The following SLC66A3 variants were observed in gnomAD, a reference collection of about 807,000 sequenced individuals.
SLC66A3 encodes the protein PQ loop repeat containing 3.
A neutral mutation model predicts 25.5 loss-of-function variants in SLC66A3; 23 were observed. That is an observed-to-expected ratio of 0.90 (90% CI 0.65 to 1.28). The LOEUF is 1.28. SLC66A3 is among the 50% of genes most tolerant of loss of function. The pLI is 0.00. For missense variants in SLC66A3, 246 were observed against 262.1 expected, an observed-to-expected ratio of 0.94 and a Z score of 0.42; for synonymous variants, 108 against 112.6, an observed-to-expected ratio of 0.96 and a Z score of 0.26.
At position 11,176,525 on chromosome 2, in the gene SLC66A3, C is replaced by CTTT. The variant is rs775778444; in HGVS notation, c.518-1193_518-1191dup. 8.0e-3 allele frequency among the ~76,000 whole-genome samples: 694 copies of CTTT among 87,286 alleles called. 25 individuals are homozygous for CTTT. The highest frequency in any genetic ancestry group is 0.027 in the South Asian group (54 of 1,964). 57.3% of individuals were successfully genotyped at this position (87,286 alleles called of 152,430 possible). On this transcript the variant is annotated intron_variant, in intron 6 of 6. Coordinates refer to ENST00000295083, the MANE Select transcript of SLC66A3 (RefSeq NM_152391.5). ...GCCACCGCGCCCGGCCTGGGAATAA[C>CTTT]TTTTTTTTTTTTTTTTTTTTTGAGA...
intron 4 of SLC66A3, among the ~76,000 whole-genome samples, chr2:11,165,268 C>G (rs542053677): frequency 2.3e-5 from 3 of 128,998 alleles, no homozygotes; most frequent in Non-Finnish European, 4.9e-5. Flanking sequence ...CTCAGAGGGG[C>G]GGCTGCCGGG....
chr2:11,172,368 T>G (rs529402975), intron 5 of SLC66A3, among the ~76,000 whole-genome samples: 2 of 152,346 alleles, frequency 1.3e-5, no homozygotes, highest in East Asian at 3.9e-4. Flanking sequence ...CTAATTTATC[T>G]TAAGAATTTG....
At chr2:11,177,033 T>C (rs72785462) in intron 6 of SLC66A3, among the ~76,000 whole-genome samples, 6,663 of 152,320 alleles carry the variant, frequency 0.044, 304 homozygotes, top group Non-Finnish European at 0.061. Flanking sequence ...ATATAAAATA[T>C]GCCTTGTCCT....
chr2:11,164,110 G>T, intron 3 of SLC66A3, 94 bp from the exon 4 acceptor site: 1 of 734,084 alleles, frequency 1.4e-6, no homozygotes, highest in Non-Finnish European at 2.3e-6. Context: ...TGGCTTCTGC[G>T]TGCCGCTGTC....
At position 11,177,834 on chromosome 2, in the gene SLC66A3, A is replaced by G. The variant is rs368291463; in HGVS notation, c.*6A>G. On this transcript the variant is annotated 3_prime_UTR_variant, in exon 7 of 7. Transcript: ENST00000295083. Reference sequence around the variant, plus strand: ...CCGCTATAAAGGCTGAATGATGGATACATTATTCCTTCACACAGTGGATTT... The same window carrying G: ...CCGCTATAAAGGCTGAATGATGGATGCATTATTCCTTCACACAGTGGATTT... 6.6e-6 allele frequency: 10 copies of G among 1,506,390 alleles called. No individual in the cohort carries two copies. The highest frequency in any genetic ancestry group is 1.7e-4 in the Middle Eastern group (1 of 5,882). The allele number at this position is 1,506,390 out of a possible 1,614,324, so 93.3% of individuals were successfully genotyped here. A position where few individuals can be genotyped will look rare whatever the true frequency, so the allele number is the denominator to read the frequency against.
intron 3 of SLC66A3, among the ~76,000 whole-genome samples, chr2:11,162,160 T>C (rs1662150077): frequency 6.6e-6 from 1 of 152,112 alleles, no homozygotes; most frequent in Non-Finnish European, 1.5e-5. Context: ...GACAGGGCCA[T>C]TGTGGTGGTT....
At chr2:11,157,867 G>A (rs955841987) in intron 1 of SLC66A3, among the ~76,000 whole-genome samples, 5 of 152,252 alleles carry the variant, frequency 3.3e-5, no homozygotes, top group African/African-American at 1.2e-4. Context: ...CTGCCTCCAG[G>A]GCTCTGCTGG....
chr2:11,161,617 C>G (rs564475942), intron 3 of SLC66A3, among the ~76,000 whole-genome samples: 6 of 152,208 alleles, frequency 3.9e-5, no homozygotes, highest in Non-Finnish European at 8.8e-5. Flanking sequence ...CTTCTGGGGC[C>G]AAGGAATCTT....
chr2:11,160,409 G>A, intron 1 of SLC66A3, 57 bp from the exon 2 acceptor site: 2 of 1,501,454 alleles, frequency 1.3e-6, no homozygotes, highest in Non-Finnish European at 1.9e-6. Context: ...GTGCCTGCCA[G>A]GCCCCGACAG....
Position 11,178,068 on chromosome 2 carries a change from G to GC in SLC66A3, c.*242dup. 1 of 345,214 alleles carries GC rather than the reference G, an allele frequency of 2.9e-6. No homozygotes were observed. The highest frequency in any genetic ancestry group is 5.2e-6 in the Non-Finnish European group (1 of 192,434). The allele number at this position is 345,214 out of a possible 1,614,324, so 21.4% of individuals were successfully genotyped here. On this transcript the variant is annotated 3_prime_UTR_variant, in exon 7 of 7. Transcript: ENST00000295083. Reference sequence around the variant, plus strand: ...GTGCTCAGACATCTGCAGTGTTGAGGCCAGTCACTGTTGGAAGTCATCCAA... The same window carrying GC: ...GTGCTCAGACATCTGCAGTGTTGAGGCCCAGTCACTGTTGGAAGTCATCCAA...
intron 6 of SLC66A3, among the ~76,000 whole-genome samples, chr2:11,175,492 A>G (rs1255434281): frequency 6.6e-6 from 1 of 152,222 alleles, no homozygotes; most frequent in Non-Finnish European, 1.5e-5. Flanking sequence ...GTCATGAGCG[A>G]AGGACAAAGG....
At chr2:11,176,945 A>G (rs1182891748) in intron 6 of SLC66A3, among the ~76,000 whole-genome samples, 1 of 152,222 alleles carries the variant, frequency 6.6e-6, no homozygotes, top group Non-Finnish European at 1.5e-5. Context: ...CTTAAAGTAG[A>G]AGTTAAGTCA....
At chr2:11,167,704 G>A (rs1024536307) in intron 4 of SLC66A3, among the ~76,000 whole-genome samples, 5 of 152,038 alleles carry the variant, frequency 3.3e-5, no homozygotes, top group Non-Finnish European at 7.4e-5. Context: ...CAGGGTCCGG[G>A]GCACAAGGTG....
Position 11,164,984 on chromosome 2 carries a change from TC to T in SLC66A3, c.354+728del, listed in dbSNP as rs34422706. Among the ~76,000 whole-genome samples the T allele has an allele frequency of 7.1e-3, 1,086 of 152,314 alleles. 15 individuals are homozygous for T. The highest frequency in any genetic ancestry group is 0.025 in the African/African-American group (1,031 of 41,558). On this transcript the variant is annotated intron_variant, in intron 4 of 6. Coordinates refer to ENST00000295083, the MANE Select transcript of SLC66A3 (RefSeq NM_152391.5). ...TCTGATTTCTCTATCTTTTCCCCTT[TC>T]CCCCTTTTCTATTTGACAAAACCAC...
intron 4 of SLC66A3, among the ~76,000 whole-genome samples, chr2:11,167,579 TTTTGATTC>T (rs1279556663): frequency 1.3e-5 from 2 of 152,226 alleles, no homozygotes; most frequent in East Asian, 3.9e-4. Flanking sequence ...TGGAATATAA[TTTTGATTC>T]TTTCCTTTAT....
At chr2:11,176,636 C>G (rs1161992209) in intron 6 of SLC66A3, among the ~76,000 whole-genome samples, 25 of 139,744 alleles carry the variant, frequency 1.8e-4, no homozygotes. Flanking sequence ...TCACGCCATT[C>G]TCCTGCCTCA....
In SLC66A3 at chr2:11,162,431, TAGTG is replaced by T. The variant is rs1007989917; in HGVS notation, c.296+1740_296+1743del. On this transcript the variant is annotated intron_variant, in intron 3 of 6. Transcript: ENST00000295083. Reference sequence around the variant, plus strand: ...ATAAAATGCAACAGCTTTGTGAAGATAGTGAGGCTGCAGATTAGAAAATTTGGGT... The same window carrying T: ...ATAAAATGCAACAGCTTTGTGAAGATAGGCTGCAGATTAGAAAATTTGGGT... Among the ~76,000 whole-genome samples the T allele has an allele frequency of 2.6e-5, 4 of 152,186 alleles. No homozygotes were observed. In the East Asian group the frequency reaches 5.8e-4, roughly 22 times the overall value.
At chr2:11,170,052 C>T (rs1045764955) in intron 4 of SLC66A3, among the ~76,000 whole-genome samples, 2 of 151,956 alleles carry the variant, frequency 1.3e-5, no homozygotes, top group East Asian at 1.9e-4. Context: ...TTGACCAGGA[C>T]GGTCTCGATC....
At chr2:11,171,664 G>A (rs1010675616) in intron 4 of SLC66A3, among the ~76,000 whole-genome samples, 3 of 152,034 alleles carry the variant, frequency 2.0e-5, no homozygotes, top group African/African-American at 7.2e-5. Flanking sequence ...CACCTCCCGG[G>A]TTCATGCCAT....
Sources: allele counts gnomAD v4.1 joint callset (sites outside exome capture counted in the v4.1 genomes callset), GRCh38; gene constraint gnomAD v4.1.1; transcripts MANE v1.5; gene names NCBI Gene and HGNC (gene_info 2026-07-23, HGNC 2026-07-21).